MEGF6: variants seen among roughly 807,000 people sequenced by gnomAD.
MEGF6 encodes multiple epidermal growth factor-like domains protein 6.
MEGF6 carries 184 observed loss-of-function variants against 207.1 expected under a neutral mutation model. The ratio of observed to expected loss-of-function variants is 0.89; its 90% CI spans 0.79 to 1.00. The LOEUF (loss-of-function observed/expected upper bound fraction) is 1.00. MEGF6 is among the 50% of genes least tolerant of loss of function. The pLI, the probability that MEGF6 is intolerant of heterozygous loss-of-function variation, is 0.00. For synonymous variants in MEGF6, 1,038 were observed against 910.0 expected (o/e 1.14, Z -2.53); for missense variants, 2,282 against 2,202.9 (o/e 1.04, Z -0.72).
intron 2 of MEGF6, among the ~76,000 whole-genome samples, chr1:3,598,847 C>T (rs1644115342): frequency 6.6e-6 from 1 of 152,142 alleles, no homozygotes; most frequent in Admixed American, 6.5e-5. Context: ...AGCCCCTCCC[C>T]CACCCCTTCC....
chr1:3,584,439 C>G (rs1175646091), intron 3 of MEGF6, among the ~76,000 whole-genome samples: 1 of 152,218 alleles, frequency 6.6e-6, no homozygotes, highest in Non-Finnish European at 1.5e-5. Context: ...GGGGTGACCA[C>G]CAGGCGGATC....
chr1:3,516,691 G>A (rs915715034), intron 5 of MEGF6, among the ~76,000 whole-genome samples: 1 of 152,180 alleles, frequency 6.6e-6, no homozygotes, highest in African/African-American at 2.4e-5. Flanking sequence ...AGCAGGCAGC[G>A]GCTGGAGCAG....
chr1:3,580,447 TG>T (rs1197787500), intron 3 of MEGF6, among the ~76,000 whole-genome samples: 5 of 152,126 alleles, frequency 3.3e-5, no homozygotes, highest in Admixed American at 2.6e-4. Context: ...TCCCGGCAGG[TG>T]GGGAGCCAAG....
chr1:3,512,926 TG>T (rs1051121497), intron 7 of MEGF6, among the ~76,000 whole-genome samples: 2 of 152,162 alleles, frequency 1.3e-5, no homozygotes, highest in African/African-American at 4.8e-5. Context: ...CAAGGCTGCT[TG>T]GCCCAGGGAA....
chr1:3,499,518 A>AGGG (rs2100909200), intron 23 of MEGF6, 70 bp downstream of exon 23: 1 of 1,531,054 alleles, frequency 6.5e-7, no homozygotes, highest in Non-Finnish European at 8.8e-7. Context: ...AGGTGGCAGG[A>AGGG]GGGAGTCTCC....
intron 4 of MEGF6, among the ~76,000 whole-genome samples, chr1:3,534,121 G>A (rs1461468823): frequency 3.3e-5 from 5 of 152,070 alleles, no homozygotes; most frequent in Non-Finnish European, 2.9e-5. Context: ...ACGGCCAGCC[G>A]GAGCCCACAA....
chr1:3,500,781 G>A lies in MEGF6; in HGVS notation c.2576-17C>T. The A allele has an allele frequency of 1.2e-6, 2 of 1,603,994 alleles. No homozygotes were observed. The highest frequency in any genetic ancestry group is 8.5e-7 in the Non-Finnish European group (1 of 1,175,330). ...TATCACAGGCTGCAACAGAACTCAG[G>A]GTCACCCGGCGCAGGCCCAAGCGCG... On this transcript the variant is annotated splice_polypyrimidine_tract_variant and intron_variant, in intron 20 of 36. Transcript: ENST00000356575.
At chr1:3,569,141 T>C (rs1177345707) in intron 4 of MEGF6, among the ~76,000 whole-genome samples, 1 of 152,096 alleles carries the variant, frequency 6.6e-6, no homozygotes, top group African/African-American at 2.4e-5. Flanking sequence ...GCCCACACCC[T>C]AGAGACCCCC....
Position 3,531,436 on chromosome 1 carries a change from C to T in MEGF6, c.482-7190G>A, listed in dbSNP as rs1354039820. 9 of 1,118,198 alleles carry T rather than the reference C, an allele frequency of 8.0e-6. No homozygotes were observed. In the African/African-American group the frequency reaches 9.9e-5, roughly 12 times the overall value. 69.3% of individuals were successfully genotyped at this position (1,118,198 alleles called of 1,614,324 possible). ...TGGGCCGGGCGCGCCCCGCCCCTCG[C>T]CTTTAAGTTCTCAGCTTTCCCTCCG... On this transcript the variant is annotated intron_variant, in intron 4 of 36. Coordinates refer to ENST00000356575, the MANE Select transcript of MEGF6 (RefSeq NM_001409.4).
rs57713922 is a variant in MEGF6, at chr1:3,538,745, T to TGTGTGTGTGTGTGTGTGTGA, written c.482-14500_482-14499insTCACACACACACACACACAC. ...GTGTGTGTGTGTGTGTGTGTGTGTG[T>TGTGTGTGTGTGTGTGTGTGA]CCGCGCTGTCTGTGGGTTCTCTGTT... is the stretch of plus-strand genomic sequence containing the variant. On this transcript the variant is annotated intron_variant, in intron 4 of 36. Transcript: ENST00000356575. Among the ~76,000 whole-genome samples the TGTGTGTGTGTGTGTGTGTGA allele has an allele frequency of 1.3e-4, 16 of 126,512 alleles. No homozygotes were observed. The East Asian group carries it at 3.5e-3, about 28-fold the overall frequency. The allele number at this position is 126,512 out of a possible 152,430, so 83.0% of individuals were successfully genotyped here. A position where few individuals can be genotyped will look rare whatever the true frequency, so the allele number is the denominator to read the frequency against.
At position 3,497,312 on chromosome 1, in the gene MEGF6, G is replaced by A. The variant is rs765944538; in HGVS notation, c.3402C>T (p.Cys1134=). The A allele has an allele frequency of 2.4e-5, 38 of 1,552,146 alleles. No individual in the cohort carries two copies. The African/African-American group carries it at 5.0e-4, about 20-fold the overall frequency. ...CGTGGTGGCAGGCAGCGCCAGGCGG[G>A]CAGCTGCAGCGCTGGGCACAGGCCT... is the stretch of plus-strand genomic sequence containing the variant. ...FGEACAQRCS[C]PPGAACHHVT... The change falls in exon 27 of 37, where the codon TGC becomes TGT. Residue 1134 remains cysteine (C), a synonymous_variant. Transcript: ENST00000356575.
intron 18 of MEGF6, 138 bp from the exon 19 acceptor site, chr1:3,501,446 G>T (rs1004254565): frequency 2.3e-6 from 3 of 1,311,070 alleles, no homozygotes; most frequent in Non-Finnish European, 3.1e-6. Flanking sequence ...CCGGGGAGGG[G>T]AGAGGACCCG....
intron 4 of MEGF6, among the ~76,000 whole-genome samples, chr1:3,533,774 G>A (rs1642246256): frequency 6.6e-6 from 1 of 152,166 alleles, no homozygotes; most frequent in Admixed American, 6.5e-5. Context: ...CTGCACCTCC[G>A]ACTCCAGTCA....
At chr1:3,505,661 G>A (rs889874783) in intron 15 of MEGF6, 105 bp from the exon 16 acceptor site, 2 of 1,403,168 alleles carry the variant, frequency 1.4e-6, no homozygotes, top group Non-Finnish European at 9.4e-7. Context: ...AGATCATGTA[G>A]GGAGCTGTCC....
At chr1:3,529,252 GGGGGCCTGAGCCTGAGGTTAGC>G (rs1642066701) in intron 4 of MEGF6, among the ~76,000 whole-genome samples, 1 of 152,200 alleles carries the variant, frequency 6.6e-6, no homozygotes, top group African/African-American at 2.4e-5. Flanking sequence ...AGGCCAGTGT[GGGGGCCTGAGCCTGAGGTTAGC>G]GGGGCCCCAG....
At chr1:3,497,429 C>T (rs1223824528) in intron 26 of MEGF6, 68 bp from the exon 27 acceptor site, 3 of 1,453,820 alleles carry the variant, frequency 2.1e-6, no homozygotes, top group Non-Finnish European at 2.7e-6. Context: ...CCAGGACAGG[C>T]CGGGAGCAGG....
At chr1:3,493,031 G>A (rs1366979690) in intron 34 of MEGF6, 20 of 509,386 alleles carry the variant, frequency 3.9e-5, no homozygotes, top group South Asian at 8.3e-5. Context: ...AGTCACCACC[G>A]AGTTCCTGCC....
chr1:3,553,739 G>A (rs569401919), intron 4 of MEGF6, among the ~76,000 whole-genome samples: 1 of 152,360 alleles, frequency 6.6e-6, no homozygotes, highest in South Asian at 2.1e-4. Flanking sequence ...AGTGGCTCCA[G>A]AGGAGAGGCA....
chr1:3,501,993 G>C, intron 17 of MEGF6, 72 bp from the exon 18 acceptor site: 6 of 1,488,094 alleles, frequency 4.0e-6, no homozygotes, highest in Non-Finnish European at 5.3e-6. Context: ...TCCCCCAGGG[G>C]CTCCTGGTGA....
Sources: allele counts gnomAD v4.1 joint callset (sites outside exome capture counted in the v4.1 genomes callset), GRCh38; gene constraint gnomAD v4.1.1; transcripts MANE v1.5; gene names NCBI Gene and HGNC (gene_info 2026-07-23, HGNC 2026-07-21).